MSI2: variants seen among roughly 807,000 people sequenced by gnomAD.
MSI2 encodes musashi RNA binding protein 2.
MSI2 carries 17 observed loss-of-function variants against 45.6 expected under a neutral mutation model. The observed-to-expected ratio is 0.37, with a 90% CI of 0.26 to 0.56. The LOEUF (loss-of-function observed/expected upper bound fraction) is 0.56, where lower values mean the gene tolerates loss of function less well. Ranked by LOEUF, MSI2 falls within the 20% of genes least tolerant of loss-of-function variation. The pLI is 0.77. For missense variants in MSI2, 293 were observed against 444.2 expected, an observed-to-expected ratio of 0.66 and a Z score of 3.06; for synonymous variants, 156 against 158.2, an observed-to-expected ratio of 0.99 and a Z score of 0.11.
At chr17:57,556,668 G>A (rs1460502749) in intron 7 of MSI2, among the ~76,000 whole-genome samples, 2 of 152,156 alleles carry the variant, frequency 1.3e-5, no homozygotes, top group Non-Finnish European at 2.9e-5. Context: ...GAGTTTATGA[G>A]GCCCTCACTA....
chr17:57,598,973 AT>A (rs1458641262), intron 8 of MSI2, among the ~76,000 whole-genome samples: 12 of 152,166 alleles, frequency 7.9e-5, no homozygotes, highest in African/African-American at 2.9e-4. Flanking sequence ...AGTACTAGCT[AT>A]TTTTAAAAAG....
At chr17:57,509,690 G>A (rs1201621079) in intron 6 of MSI2, among the ~76,000 whole-genome samples, 4 of 152,074 alleles carry the variant, frequency 2.6e-5, no homozygotes, top group Non-Finnish European at 5.9e-5. Flanking sequence ...CAAAGTGCTG[G>A]GATTACAGGC....
chr17:57,681,975 C>T lies in MSI2; in HGVS notation c.*2458C>T, dbSNP rs996267765. 1.4e-5 allele frequency: 3 copies of T among 212,224 alleles called. No individual in the cohort carries two copies. The highest frequency in any genetic ancestry group is 2.3e-5 in the African/African-American group (1 of 44,170). The allele number at this position is 212,224 out of a possible 1,614,324, so 13.1% of individuals were successfully genotyped here. Reference sequence around the variant, plus strand: ...ACCTCATAGAAGACTCTTTGTTGATCATTGTATGTTAATAATGTATAAAAT... The same window carrying T: ...ACCTCATAGAAGACTCTTTGTTGATTATTGTATGTTAATAATGTATAAAAT... On this transcript the variant is annotated 3_prime_UTR_variant, in exon 14 of 14. Transcript: ENST00000284073.
At chr17:57,424,229 A>C (rs2084448569) in intron 6 of MSI2, among the ~76,000 whole-genome samples, 1 of 152,236 alleles carries the variant, frequency 6.6e-6, no homozygotes, top group Admixed American at 6.5e-5. Flanking sequence ...GACTAAATGA[A>C]TCAGGATGAG....
intron 6 of MSI2, chr17:57,406,728 C>T (rs561388758): frequency 6.6e-6 from 1 of 152,366 alleles, no homozygotes; most frequent in African/African-American, 2.4e-5. Flanking sequence ...AACGACTCTG[C>T]ACCCTTTGTT....
At chr17:57,534,321 G>A (rs1029987661) in intron 7 of MSI2, among the ~76,000 whole-genome samples, 3 of 152,204 alleles carry the variant, frequency 2.0e-5, no homozygotes, top group Admixed American at 6.5e-5. Context: ...CTGGATGACC[G>A]TGCTCCTCCA....
chr17:57,587,067 G>T (rs1336889087), intron 7 of MSI2, among the ~76,000 whole-genome samples: 2 of 152,178 alleles, frequency 1.3e-5, no homozygotes, highest in Non-Finnish European at 2.9e-5. Context: ...GACCATGTTA[G>T]GAGCTGGCAG....
rs114772484 is a variant in MSI2, at chr17:57,500,771, G to A, written c.406-28905G>A. ...GCAAATTGCTTGAGCTCAGGAGTTCGAGGCCACCCTGTCTCTACCAAAAAA... is the reference window on the plus strand; with the variant it reads ...GCAAATTGCTTGAGCTCAGGAGTTCAAGGCCACCCTGTCTCTACCAAAAAA... On this transcript the variant is annotated intron_variant, in intron 6 of 13. Coordinates refer to ENST00000284073, the MANE Select transcript of MSI2 (RefSeq NM_138962.4). Among the ~76,000 whole-genome samples, 755 of 141,756 alleles carry A rather than the reference G, an allele frequency of 5.3e-3. 5 individuals are homozygous for A. The highest frequency in any genetic ancestry group is 0.018 in the African/African-American group (694 of 37,588). 93.0% of individuals were successfully genotyped at this position (141,756 alleles called of 152,430 possible). A position where few individuals can be genotyped will look rare whatever the true frequency, so the allele number is the denominator to read the frequency against.
intron 5 of MSI2, among the ~76,000 whole-genome samples, chr17:57,326,129 A>G (rs1913771518): frequency 6.6e-6 from 1 of 151,990 alleles, no homozygotes. Flanking sequence ...GTAGCCTCTA[A>G]TGCTTCGTTG....
At chr17:57,405,964 G>A (rs1233283215) in intron 6 of MSI2, among the ~76,000 whole-genome samples, 1 of 152,190 alleles carries the variant, frequency 6.6e-6, no homozygotes, top group Non-Finnish European at 1.5e-5. Flanking sequence ...ATGCTGAGGA[G>A]AGCCTGGATA....
intron 9 of MSI2, among the ~76,000 whole-genome samples, chr17:57,620,531 A>G (rs1352027038): frequency 6.6e-6 from 1 of 152,212 alleles, no homozygotes; most frequent in Non-Finnish European, 1.5e-5. Context: ...GTTGTTATTA[A>G]CAAGGCACTA....
chr17:57,478,575 C>T (rs528605807), intron 6 of MSI2, among the ~76,000 whole-genome samples: 71 of 152,340 alleles, frequency 4.7e-4, no homozygotes, highest in African/African-American at 1.7e-3. Context: ...CTCCATGTTA[C>T]ATCCAAGGCC....
In MSI2 at chr17:57,616,281, ATGTG is replaced by A. The variant is rs141665856; in HGVS notation, c.652+217_652+220del. 2.0e-3 allele frequency: 935 copies of A among 476,996 alleles called. 1 individual carries two copies. The highest frequency in any genetic ancestry group is 7.4e-3 in the African/African-American group (362 of 49,156). The allele number at this position is 476,996 out of a possible 1,614,324, so 29.5% of individuals were successfully genotyped here. On this transcript the variant is annotated intron_variant, in intron 9 of 13. Coordinates refer to ENST00000284073, the MANE Select transcript of MSI2 (RefSeq NM_138962.4). Reference sequence around the variant, plus strand: ...AGTGTGGGTGTGTGTGTGTGCATGCATGTGTGTGTGTGTGTGTGTGTGTTTGTAT... The same window carrying A: ...AGTGTGGGTGTGTGTGTGTGCATGCATGTGTGTGTGTGTGTGTGTTTGTAT...
At position 57,529,808 on chromosome 17, in the gene MSI2, T is replaced by A. The variant is rs1378851118; in HGVS notation, c.454+84T>A. On this transcript the variant is annotated intron_variant, in intron 7 of 13. Transcript: ENST00000284073. This position sits in a 1 kb window ranked among gnomAD's most constrained non-coding sequence, Gnocchi z 5.3. ...CATCCCCAGTCCCACTGACAAAAGA[T>A]ACAGTGAAGAGTCCAGAGTCAAGCA... is the stretch of plus-strand genomic sequence containing the variant. 8.6e-7 allele frequency: 1 copy of A among 1,166,620 alleles called. No individual in the cohort carries two copies. The highest frequency in any genetic ancestry group is 1.2e-6 in the Non-Finnish European group (1 of 800,816). The allele number at this position is 1,166,620 out of a possible 1,614,324, so 72.3% of individuals were successfully genotyped here. A position where few individuals can be genotyped will look rare whatever the true frequency, so the allele number is the denominator to read the frequency against.
intron 5 of MSI2, among the ~76,000 whole-genome samples, chr17:57,328,996 A>C (rs531961081): frequency 2.0e-5 from 3 of 152,260 alleles, no homozygotes; most frequent in Non-Finnish European, 4.4e-5. Context: ...TGGGAGGCTG[A>C]GGCAGGAGAA....
intron 10 of MSI2, chr17:57,629,961 G>A (rs923644464): frequency 6.6e-6 from 1 of 152,272 alleles, no homozygotes; most frequent in Admixed American, 6.5e-5. Context: ...CATCAATGTG[G>A]ACCCTATGCT....
chr17:57,568,254 A>G (rs1166437747), intron 7 of MSI2, among the ~76,000 whole-genome samples: 1 of 152,174 alleles, frequency 6.6e-6, no homozygotes, highest in African/African-American at 2.4e-5. Flanking sequence ...TTAGTTTTTC[A>G]CCAAATTATA....
chr17:57,506,375 G>T (rs2086229491), intron 6 of MSI2, among the ~76,000 whole-genome samples: 1 of 152,212 alleles, frequency 6.6e-6, no homozygotes, highest in South Asian at 2.1e-4. Context: ...TAGATGAGAG[G>T]GATCTGTAAT....
intron 6 of MSI2, among the ~76,000 whole-genome samples, chr17:57,418,530 A>T (rs1473038003): frequency 6.6e-6 from 1 of 152,182 alleles, no homozygotes; most frequent in Non-Finnish European, 1.5e-5. Flanking sequence ...ATAGGCAAGG[A>T]ATGATCATTT....
Sources: allele counts gnomAD v4.1 joint callset (sites outside exome capture counted in the v4.1 genomes callset), GRCh38; gene constraint gnomAD v4.1.1; non-coding constraint Gnocchi (gnomAD v3.1); transcripts MANE v1.5; gene names NCBI Gene and HGNC (gene_info 2026-07-23, HGNC 2026-07-21).